NRG1: variants seen among roughly 807,000 people sequenced by gnomAD.
NRG1 encodes the protein pro-neuregulin-1, membrane-bound isoform.
In NRG1, 18 loss-of-function variants were observed where a neutral mutation model predicts 63.8. The observed-to-expected ratio is 0.28, with a 90% confidence interval of 0.19 to 0.42. The LOEUF (loss-of-function observed/expected upper bound fraction) is 0.42. NRG1 is among the 10% of genes least tolerant of loss of function. The pLI, the probability that NRG1 is intolerant of heterozygous loss-of-function variation, is 1.00. For missense variants in NRG1, 762 were observed against 814.7 expected (o/e 0.94, Z 0.79); for synonymous variants, 302 against 301.3 (o/e 1.00, Z -0.02).
chr8:31,973,960 G>T (rs1807736586), intron 1 of NRG1, among the ~76,000 whole-genome samples: 2 of 152,168 alleles, frequency 1.3e-5, no homozygotes, highest in Non-Finnish European at 1.5e-5. Context: ...TGAGAATCAT[G>T]GGTGGGCTGT....
At chr8:31,916,474 A>G (rs1020855163) in intron 1 of NRG1, among the ~76,000 whole-genome samples, 1 of 152,020 alleles carries the variant, frequency 6.6e-6, no homozygotes, top group Non-Finnish European at 1.5e-5. Flanking sequence ...TTGTTCTTGC[A>G]ATAGTTTACT....
intron 1 of NRG1, among the ~76,000 whole-genome samples, chr8:32,218,638 C>T (rs1241114603): frequency 6.6e-6 from 1 of 152,208 alleles, no homozygotes; most frequent in Non-Finnish European, 1.5e-5. Context: ...GGCTTTCATA[C>T]TCTGAAATGC....
intron 1 of NRG1, among the ~76,000 whole-genome samples, chr8:32,501,226 T>C (rs1342693857): frequency 6.6e-6 from 1 of 152,182 alleles, no homozygotes; most frequent in African/African-American, 2.4e-5. Context: ...AGAAATTTGG[T>C]TGTTTCTCTG....
intron 5 of NRG1, among the ~76,000 whole-genome samples, chr8:32,620,844 AAAAG>A (rs1161408461): frequency 2.0e-5 from 3 of 152,012 alleles, no homozygotes; most frequent in African/African-American, 7.3e-5. Context: ...AACAAACAAA[AAAAG>A]AAAGAAAGAA....
chr8:32,664,579 CA>C (rs923695017), intron 5 of NRG1, among the ~76,000 whole-genome samples: 4 of 151,032 alleles, frequency 2.6e-5, no homozygotes, highest in Admixed American at 1.3e-4. Context: ...CTCACACACA[CA>C]AAAAAAACAT....
intron 1 of NRG1, among the ~76,000 whole-genome samples, chr8:32,091,980 T>G (rs1460637446): frequency 6.6e-6 from 1 of 152,000 alleles, no homozygotes; most frequent in African/African-American, 2.4e-5. Context: ...CATGCCTGCC[T>G]TAGACAGCCA....
At chr8:32,153,307 G>T (rs1837708397) in intron 1 of NRG1, among the ~76,000 whole-genome samples, 1 of 152,126 alleles carries the variant, frequency 6.6e-6, no homozygotes, top group Non-Finnish European at 1.5e-5. Flanking sequence ...CTCTCACTAA[G>T]GACAGCTATG....
intron 1 of NRG1, among the ~76,000 whole-genome samples, chr8:31,947,772 C>G (rs751097492): frequency 7.3e-5 from 11 of 151,606 alleles, no homozygotes; most frequent in Non-Finnish European, 1.2e-4. Context: ...GGTGAAACCC[C>G]GTCTCTAGTA....
rs114135581 is a variant in NRG1 at position 32,760,209 on chromosome 8, C to A, written c.1062C>A (p.Asn354Lys). 31 of 1,613,748 alleles carry A rather than the reference C, an allele frequency of 1.9e-5. No homozygotes were observed. The East Asian group carries it at 6.5e-4, about 34-fold the overall frequency. ...CCCATTTCCTCCGCAGCTGGAGCAA[C>A]GGACACACTGAAAGCATCCTTTCCG... Residue 354 changes from asparagine (N) to lysine (K), a missense_variant, in exon 11 of 12, where the codon AAC (asparagine) becomes AAA (lysine). Asn to Lys is a moderately conservative substitution (Grantham distance 94). Around this residue, in one of 3 missense-constraint regions of NRG1, gnomAD observed 503 missense variants for 506.8 expected, o/e 0.99. Transcript: ENST00000356819.
chr8:32,376,016 G>A (rs1809577457), intron 1 of NRG1, among the ~76,000 whole-genome samples: 1 of 152,058 alleles, frequency 6.6e-6, no homozygotes, highest in African/African-American at 2.4e-5. Context: ...GGCATCTTAC[G>A]ATTCAGCAGA....
chr8:31,651,363 T>A (rs1296535362), intron 1 of NRG1, among the ~76,000 whole-genome samples: 2 of 152,258 alleles, frequency 1.3e-5, no homozygotes, highest in Non-Finnish European at 2.9e-5. Flanking sequence ...TTCAGTCATT[T>A]GTGGTGCTAA....
chr8:32,698,130 C>A (rs1813835534), intron 5 of NRG1, among the ~76,000 whole-genome samples: 1 of 151,570 alleles, frequency 6.6e-6, no homozygotes, highest in Non-Finnish European at 1.5e-5. Flanking sequence ...CACTTGAACC[C>A]AGGAGGCAGA....
intron 1 of NRG1, among the ~76,000 whole-genome samples, chr8:31,901,877 A>G (rs1048737045): frequency 1.3e-5 from 2 of 152,210 alleles, no homozygotes; most frequent in Non-Finnish European, 2.9e-5. Flanking sequence ...AACTCTTAAT[A>G]CATGTATCTA....
intron 1 of NRG1, chr8:32,287,489 T>A (rs1586634656): frequency 6.6e-6 from 1 of 152,340 alleles, no homozygotes; most frequent in East Asian, 1.9e-4. Flanking sequence ...GAACATTTCT[T>A]AAAACTCAGT....
At chr8:31,875,140 T>C (rs1829810385) in intron 1 of NRG1, among the ~76,000 whole-genome samples, 1 of 152,110 alleles carries the variant, frequency 6.6e-6, no homozygotes, top group South Asian at 2.1e-4. Context: ...GGAGAACTCC[T>C]GCCTCTGGGA....
intron 1 of NRG1, among the ~76,000 whole-genome samples, chr8:32,289,959 G>T (rs1016679833): frequency 6.6e-6 from 1 of 151,938 alleles, no homozygotes; most frequent in African/African-American, 2.4e-5. Flanking sequence ...AAAATATCAG[G>T]GCCAGGCACA....
intron 1 of NRG1, among the ~76,000 whole-genome samples, chr8:32,040,626 C>T (rs1276945936): frequency 6.8e-6 from 1 of 147,862 alleles, no homozygotes; most frequent in Non-Finnish European, 1.5e-5. Flanking sequence ...CACATATATA[C>T]ACGTATGTAT....
At chr8:32,254,924 T>A (rs1038170148) in intron 1 of NRG1, among the ~76,000 whole-genome samples, 1 of 152,222 alleles carries the variant, frequency 6.6e-6, no homozygotes, top group African/African-American at 2.4e-5. Flanking sequence ...ACTCTTCTTG[T>A]TGCATTGATC....
intron 1 of NRG1, among the ~76,000 whole-genome samples, chr8:32,255,555 A>T (rs978030204): frequency 3.3e-5 from 5 of 152,142 alleles, no homozygotes; most frequent in African/African-American, 1.2e-4. Flanking sequence ...TTCTGCAGAG[A>T]ATTCCTCTGT....
Sources: allele counts gnomAD v4.1 joint callset (sites outside exome capture counted in the v4.1 genomes callset), GRCh38; gene constraint gnomAD v4.1.1; regional missense constraint gnomAD v4.1.1; transcripts MANE v1.5; gene names NCBI Gene and HGNC (gene_info 2026-07-23, HGNC 2026-07-21).